LINGO2: variants seen among roughly 807,000 people sequenced by gnomAD.
LINGO2 encodes leucine-rich repeat and immunoglobulin-like domain-containing nogo receptor-interacting protein 2.
Under a neutral mutation model 30.6 loss-of-function variants are expected in LINGO2, and 14 were observed. The observed-to-expected ratio is 0.46, with a 90% CI of 0.30 to 0.72. LINGO2 has a LOEUF of 0.72. Among genes scored for constraint, LINGO2 ranks in the 30% least tolerant of loss-of-function variants. LINGO2 has a pLI of 0.07. For missense variants in LINGO2, 729 were observed against 751.7 expected, an observed-to-expected ratio of 0.97 and a Z score of 0.35; for synonymous variants, 317 against 288.5, an observed-to-expected ratio of 1.10 and a Z score of -1.00.
At chr9:28,928,275 T>C in the LINGO2 span, among the ~76,000 whole-genome samples, 111,444 of 152,086 alleles carry the variant, frequency 0.73, 41,052 homozygotes, top group Non-Finnish European at 0.78. Context: ...ACAGAGACTT[T>C]TATATACACA....
intron 4 of LINGO2, among the ~76,000 whole-genome samples, chr9:28,086,487 T>C (rs927738533): frequency 2.0e-5 from 3 of 152,142 alleles, no homozygotes; most frequent in African/African-American, 7.2e-5. Flanking sequence ...ACAAAGAATA[T>C]ATTTCTGGGC....
chr9:28,389,115 G>C (rs1232333976), intron 2 of LINGO2, among the ~76,000 whole-genome samples: 1 of 152,110 alleles, frequency 6.6e-6, no homozygotes, highest in Non-Finnish European at 1.5e-5. Flanking sequence ...TATGTCTTTA[G>C]AATCTTGGGC....
chr9:28,032,594 A>T (rs1823735179), intron 4 of LINGO2, among the ~76,000 whole-genome samples: 2 of 152,206 alleles, frequency 1.3e-5, no homozygotes, highest in South Asian at 4.1e-4. Context: ...GGCAACATAA[A>T]TGTTTTTAGT....
rs12003525 is a variant in LINGO2 at position 28,380,948 on chromosome 9, G to A, written c.-278-8080C>T. Among the ~76,000 whole-genome samples the A allele has an allele frequency of 3.7e-4, 56 of 152,090 alleles. No homozygotes were observed. The Middle Eastern group carries it at 0.014, about 37-fold the overall frequency. ...AGGAGTAGAGGCTGGGTATAACTAC[G>A]GGCTTGCCCTTGAGTATGTATTTCT... On this transcript the variant is annotated intron_variant, in intron 2 of 5. Coordinates refer to ENST00000379992, the Ensembl canonical transcript of LINGO2.
chr9:28,559,019 A>G (rs1719746789), intron 1 of LINGO2, among the ~76,000 whole-genome samples: 1 of 152,158 alleles, frequency 6.6e-6, no homozygotes, highest in Non-Finnish European at 1.5e-5. Flanking sequence ...TTATTTATTG[A>G]AAGAAAAGTT....
chr9:28,658,076 A>T (rs1451769495), intron 1 of LINGO2, among the ~76,000 whole-genome samples: 1 of 151,652 alleles, frequency 6.6e-6, no homozygotes, highest in Non-Finnish European at 1.5e-5. Flanking sequence ...TTTGCCATTG[A>T]TTTCTACCTT....
At chr9:28,750,748 G>A in the LINGO2 span, among the ~76,000 whole-genome samples, 1 of 151,992 alleles carries the variant, frequency 6.6e-6, no homozygotes, top group Non-Finnish European at 1.5e-5. Flanking sequence ...TATAACTCTT[G>A]TTTGAATTAA....
At chr9:29,008,063 C>T in the LINGO2 span, among the ~76,000 whole-genome samples, 1 of 152,114 alleles carries the variant, frequency 6.6e-6, no homozygotes, top group Non-Finnish European at 1.5e-5. Flanking sequence ...TCTCCTAATG[C>T]TATCCCTCCC....
chr9:28,013,306 C>A (rs1217124357), intron 4 of LINGO2, among the ~76,000 whole-genome samples: 1 of 152,056 alleles, frequency 6.6e-6, no homozygotes, highest in Non-Finnish European at 1.5e-5. Flanking sequence ...CTGCTCCAAG[C>A]CTGACTTAGA....
the LINGO2 span, among the ~76,000 whole-genome samples, chr9:29,198,332 A>G: frequency 6.6e-6 from 1 of 152,196 alleles, no homozygotes; most frequent in African/African-American, 2.4e-5. Context: ...TTTATAAGCC[A>G]GCATCCTTTG....
intron 4 of LINGO2, among the ~76,000 whole-genome samples, chr9:28,275,769 G>A (rs1430976065): frequency 6.6e-6 from 1 of 152,204 alleles, no homozygotes; most frequent in Non-Finnish European, 1.5e-5. Context: ...AGAAGTTAGA[G>A]ATCGACCTTT....
At chr9:28,048,145 C>T (rs551465208) in intron 4 of LINGO2, among the ~76,000 whole-genome samples, 7 of 150,036 alleles carry the variant, frequency 4.7e-5, no homozygotes, top group Non-Finnish European at 1.0e-4. Flanking sequence ...ATCAGCTTTC[C>T]AAAAAAGGGG....
chr9:28,975,392 T>C, the LINGO2 span, among the ~76,000 whole-genome samples: 4 of 152,276 alleles, frequency 2.6e-5, no homozygotes, highest in Non-Finnish European at 5.9e-5. Context: ...CCAGGAGTAA[T>C]AGAGAACTTC....
chr9:27,948,668 C>T, exon 6 of LINGO2: 1 of 696,702 alleles, frequency 1.4e-6, no homozygotes, highest in Non-Finnish European at 2.5e-6. Context: ...GGCTCTGACA[C>T]ATGCCTGCCT....
chr9:28,191,063 A>G (rs1465175677), intron 4 of LINGO2, among the ~76,000 whole-genome samples: 1 of 152,156 alleles, frequency 6.6e-6, no homozygotes. Flanking sequence ...CTGCTTAGTC[A>G]TTGTTTCTTA....
At chr9:28,833,564 C>T in the LINGO2 span, among the ~76,000 whole-genome samples, 1 of 152,106 alleles carries the variant, frequency 6.6e-6, no homozygotes, top group African/African-American at 2.4e-5. Context: ...TTGAATTCTC[C>T]ATTATCAAAG....
intron 1 of LINGO2, among the ~76,000 whole-genome samples, chr9:28,629,113 T>C (rs12002136): frequency 6.8e-4 from 103 of 152,198 alleles, no homozygotes; most frequent in African/African-American, 2.5e-3. Flanking sequence ...ACTGAACTAG[T>C]ATGAGACCAT....
the LINGO2 span, among the ~76,000 whole-genome samples, chr9:28,875,674 T>C: frequency 2.0e-5 from 3 of 152,156 alleles, no homozygotes; most frequent in Non-Finnish European, 4.4e-5. Context: ...TTTTGAGGCC[T>C]GTTACTTTTT....
chr9:28,932,905 T>C, the LINGO2 span, among the ~76,000 whole-genome samples: 1 of 150,858 alleles, frequency 6.6e-6, no homozygotes, highest in South Asian at 2.1e-4. Context: ...TTTTATTATA[T>C]TATTATTATT....
Sources: gnomAD v4.1 joint callset for allele counts (sites outside exome capture counted in the v4.1 genomes callset) on GRCh38, gnomAD v4.1.1 for gene constraint, MANE v1.5 for transcripts, NCBI Gene and HGNC (gene_info 2026-07-23, HGNC 2026-07-21) for gene names.